NUP58: variants seen among roughly 807,000 people sequenced by gnomAD.
NUP58 encodes the protein nucleoporin p58/p45.
In NUP58, 17 loss-of-function variants were observed where a neutral mutation model predicts 70.1. The observed-to-expected ratio is 0.24, with a 90% CI of 0.17 to 0.36. The LOEUF (loss-of-function observed/expected upper bound fraction) is 0.36. NUP58 is among the 10% of genes least tolerant of loss of function. NUP58 has a pLI of 1.00. For missense variants in NUP58, 644 were observed against 701.5 expected (o/e 0.92, Z 0.93); for synonymous variants, 275 against 257.6 (o/e 1.07, Z -0.65).
At chr13:25,345,340 G>C (rs1213410446), downstream of NUP58, among the ~76,000 whole-genome samples, 4 of 152,072 alleles carry the variant, frequency 2.6e-5, no homozygotes, top group Non-Finnish European at 5.9e-5. Flanking sequence ...AGGCACTGAA[G>C]GTAATGTGAT....
downstream of NUP58, among the ~76,000 whole-genome samples, chr13:25,344,523 T>C (rs920872200): frequency 6.6e-6 from 1 of 152,218 alleles, no homozygotes; most frequent in Admixed American, 6.5e-5. Context: ...TTAGCCTTTT[T>C]GTTTGTTTTT....
chr13:25,302,935 C>A, intron 1 of NUP58: 1 of 456,452 alleles, frequency 2.2e-6, no homozygotes, highest in South Asian at 1.6e-5. Flanking sequence ...AGTTCCACAA[C>A]CCTGCTTAGG....
At chr13:25,323,088 A>C (rs997859452) in intron 9 of NUP58, among the ~76,000 whole-genome samples, 8 of 152,240 alleles carry the variant, frequency 5.3e-5, no homozygotes, top group African/African-American at 1.9e-4. Flanking sequence ...GCACATTAAT[A>C]GTCTTTTAGA....
chr13:25,345,520 C>G (rs1336892988), downstream of NUP58, among the ~76,000 whole-genome samples: 2 of 149,862 alleles, frequency 1.3e-5, no homozygotes, highest in African/African-American at 4.9e-5. Flanking sequence ...CCTTTTCTTG[C>G]TGGTTCCCTA....
chr13:25,322,982 G>A (rs2031248495), intron 9 of NUP58, among the ~76,000 whole-genome samples: 3 of 152,236 alleles, frequency 2.0e-5, no homozygotes, highest in South Asian at 4.1e-4. Context: ...AGGCAAACTC[G>A]AAAGAAAGAA....
In NUP58 at chr13:25,301,641, C is replaced by T; in HGVS notation, c.-133C>T. The T allele has an allele frequency of 4.3e-6, 2 of 466,118 alleles. No homozygotes were observed. Among genetic ancestry groups the T allele is most frequent in the South Asian group, 4.5e-5 (1 of 22,174 alleles). The allele number at this position is 466,118 out of a possible 1,614,324, so 28.9% of individuals were successfully genotyped here. A position where few individuals can be genotyped will look rare whatever the true frequency, so the allele number is the denominator to read the frequency against. Reference sequence around the variant, plus strand: ...CACCCCCTCAGCCTTGCCTTCGCCGCCGTTGGGGCTGGAAGTTCCCGCCAG... The same window carrying T: ...CACCCCCTCAGCCTTGCCTTCGCCGTCGTTGGGGCTGGAAGTTCCCGCCAG... On this transcript the variant is annotated 5_prime_UTR_variant, in exon 1 of 16. Transcript: ENST00000381736.
chr13:25,336,064 A>G, intron 13 of NUP58: 1 of 1,200,134 alleles, frequency 8.3e-7, no homozygotes, highest in South Asian at 1.6e-5. Flanking sequence ...TTAAAGTAAC[A>G]AGAGGGAAAA....
chr13:25,309,189 A>T (rs2030529546), intron 2 of NUP58, 58 bp from the exon 3 acceptor site: 1 of 1,322,278 alleles, frequency 7.6e-7, no homozygotes, highest in Admixed American at 1.7e-5. Context: ...ATGACAGGTA[A>T]ACCTAAAGAA....
At chr13:25,308,087 C>A in intron 2 of NUP58, 139 bp downstream of exon 2, 1 of 937,804 alleles carries the variant, frequency 1.1e-6, no homozygotes, top group Non-Finnish European at 1.5e-6. Flanking sequence ...AAAAGAAATG[C>A]AAGGAATTGG....
At chr13:25,327,611 A>G in intron 12 of NUP58, 99 bp downstream of exon 12, 1 of 671,422 alleles carries the variant, frequency 1.5e-6, no homozygotes, top group Non-Finnish European at 2.5e-6. Flanking sequence ...AAATAGCTAA[A>G]ATTACATATA....
chr13:25,330,450 G>C (rs1193750197), intron 12 of NUP58, among the ~76,000 whole-genome samples: 2 of 152,100 alleles, frequency 1.3e-5, no homozygotes, highest in Non-Finnish European at 2.9e-5. Context: ...ACAACAGTAA[G>C]ATTTTTAAGT....
chr13:25,327,071 T>C (rs770479109), intron 11 of NUP58, 37 bp downstream of exon 11: 7 of 1,211,214 alleles, frequency 5.8e-6, no homozygotes, highest in Non-Finnish European at 8.4e-6. Flanking sequence ...TTTGAACTTT[T>C]GTTTGTAGGA....
rs373682348 is a variant in NUP58, at chr13:25,320,512, G to A, written c.711-18G>A. ...TAAAATCTCAATGACCTTAATACAT[G>A]TTTTGCATTTTTCTTAGGGATAGTA... On this transcript the variant is annotated intron_variant, in intron 7 of 15. Coordinates refer to ENST00000381736, the MANE Select transcript of NUP58 (RefSeq NM_014089.4). 3 of 1,577,006 alleles carry A rather than the reference G, an allele frequency of 1.9e-6. No homozygotes were observed. In the African/African-American group the frequency reaches 4.0e-5, roughly 21 times the overall value.
At chr13:25,336,489 C>T (rs1161584392) in intron 13 of NUP58, 4 of 341,594 alleles carry the variant, frequency 1.2e-5, no homozygotes, top group Middle Eastern at 1.1e-3. Flanking sequence ...TCAATTGAGA[C>T]TTGACTCTAA....
intron 10 of NUP58, among the ~76,000 whole-genome samples, chr13:25,325,397 A>G (rs1055951775): frequency 2.6e-5 from 4 of 152,204 alleles, no homozygotes; most frequent in African/African-American, 9.7e-5. Context: ...AATAGGTAAT[A>G]CGTGTTCTGG....
At chr13:25,338,777 A>G (rs1039008757) in intron 15 of NUP58, 46 bp downstream of exon 15, 3 of 1,493,722 alleles carry the variant, frequency 2.0e-6, no homozygotes, top group Non-Finnish European at 1.9e-6. Context: ...AAAGGTGTAA[A>G]TTATTTAATT....
Position 25,340,220 on chromosome 13 carries a change from A to G in NUP58, c.*86A>G, listed in dbSNP as rs2137842030. ...TCTAATGATGCAGTAATTAAATTGC[A>G]TCCCAGGAGATTTATAAAGTTTTGA... On this transcript the variant is annotated 3_prime_UTR_variant, in exon 16 of 16. Transcript: ENST00000381736. 1 of 1,194,758 alleles carries G rather than the reference A, an allele frequency of 8.4e-7. No individual in the cohort carries two copies. Among genetic ancestry groups the G allele is most frequent in the Non-Finnish European group, 1.1e-6 (1 of 897,684 alleles). 74.0% of individuals were successfully genotyped at this position (1,194,758 alleles called of 1,614,324 possible). A position where few individuals can be genotyped will look rare whatever the true frequency, so the allele number is the denominator to read the frequency against.
At chr13:25,329,905 C>G (rs917809386) in intron 12 of NUP58, among the ~76,000 whole-genome samples, 4 of 152,142 alleles carry the variant, frequency 2.6e-5, no homozygotes, top group African/African-American at 9.7e-5. Context: ...TCATTGCAGC[C>G]TCAATCTCCT....
intron 5 of NUP58, 120 bp downstream of exon 5, chr13:25,313,871 A>G: frequency 1.5e-6 from 1 of 680,852 alleles, no homozygotes; most frequent in Non-Finnish European, 2.3e-6. Flanking sequence ...AAATATGAAA[A>G]CTAAATTATA....
Sources: allele counts gnomAD v4.1 joint callset (sites outside exome capture counted in the v4.1 genomes callset), GRCh38; gene constraint gnomAD v4.1.1; transcripts MANE v1.5; gene names NCBI Gene and HGNC (gene_info 2026-07-23, HGNC 2026-07-21).